ACBD6: variants seen among roughly 807,000 people sequenced by gnomAD.
ACBD6 encodes acyl-CoA binding domain containing 6, also known as acyl-CoA-binding domain-containing protein 6.
A neutral mutation model predicts 37.2 loss-of-function variants in ACBD6; 28 were observed. That is an observed-to-expected ratio of 0.75 (90% confidence interval 0.56 to 1.03). ACBD6 has a LOEUF of 1.03. ACBD6 is among the 50% of genes least tolerant of loss of function. The pLI, the probability that ACBD6 is intolerant of heterozygous loss-of-function variation, is 0.00. For synonymous variants in ACBD6, 113 were observed against 126.8 expected (o/e 0.89, Z 0.73); for missense variants, 340 against 337.4 (o/e 1.01, Z -0.06).
chr1:180,349,319 G>A (rs534562202), intron 6 of ACBD6, among the ~76,000 whole-genome samples: 4 of 150,468 alleles, frequency 2.7e-5, no homozygotes, highest in Admixed American at 2.0e-4. Context: ...GCTCGCGGGC[G>A]ATCTCGGCTC....
At chr1:180,495,806 GACTA>G (rs750853650) in intron 1 of ACBD6, among the ~76,000 whole-genome samples, 4 of 152,198 alleles carry the variant, frequency 2.6e-5, no homozygotes, top group South Asian at 4.1e-4. Flanking sequence ...GAAGTTAGTA[GACTA>G]TATATAAGAC....
At chr1:180,357,213 A>G (rs1369438488) in intron 6 of ACBD6, among the ~76,000 whole-genome samples, 2 of 152,234 alleles carry the variant, frequency 1.3e-5, no homozygotes, top group Non-Finnish European at 2.9e-5. Flanking sequence ...TGAAACTAAC[A>G]TCCTGAAATA....
chr1:180,426,164 T>C (rs1257210394), intron 4 of ACBD6, among the ~76,000 whole-genome samples: 2 of 152,216 alleles, frequency 1.3e-5, no homozygotes, highest in African/African-American at 4.8e-5. Flanking sequence ...ATACTAGGAC[T>C]GGTCTTGCTT....
chr1:180,387,871 G>C (rs539502107), intron 6 of ACBD6, among the ~76,000 whole-genome samples: 1 of 152,002 alleles, frequency 6.6e-6, no homozygotes, highest in Non-Finnish European at 1.5e-5. Context: ...AGCTTATAAA[G>C]AAACAAAAAG....
intron 6 of ACBD6, among the ~76,000 whole-genome samples, chr1:180,348,716 C>T (rs1428753342): frequency 6.6e-6 from 1 of 152,098 alleles, no homozygotes; most frequent in Non-Finnish European, 1.5e-5. Context: ...ATTAAAAATC[C>T]AGTCCAAACA....
intron 3 of ACBD6, among the ~76,000 whole-genome samples, chr1:180,488,600 G>C (rs1218684722): frequency 1.3e-5 from 2 of 151,344 alleles, no homozygotes; most frequent in East Asian, 3.9e-4. Flanking sequence ...TTTGAGATGG[G>C]GTCTCACTCT....
intron 6 of ACBD6, among the ~76,000 whole-genome samples, chr1:180,362,220 A>G (rs1251249548): frequency 2.0e-5 from 3 of 152,256 alleles, no homozygotes; most frequent in Non-Finnish European, 4.4e-5. Context: ...ATAATGAATA[A>G]TTAAGTTATA....
At chr1:180,378,329 A>G (rs1653516352) in intron 6 of ACBD6, among the ~76,000 whole-genome samples, 2 of 152,226 alleles carry the variant, frequency 1.3e-5, no homozygotes. Context: ...ATAAGGAACG[A>G]CTAAGGAACT....
chr1:180,495,348 G>A (rs978674638), intron 2 of ACBD6, 113 bp downstream of exon 2: 4 of 757,428 alleles, frequency 5.3e-6, no homozygotes, highest in Admixed American at 5.7e-5. Flanking sequence ...ACAATCTACA[G>A]CAGAGAGAGA....
chr1:180,324,209 A>G (rs895661859), intron 6 of ACBD6, among the ~76,000 whole-genome samples: 2 of 152,052 alleles, frequency 1.3e-5, no homozygotes, highest in African/African-American at 4.8e-5. Flanking sequence ...GAGAGTTTTT[A>G]GTCCATTTAC....
intron 6 of ACBD6, among the ~76,000 whole-genome samples, chr1:180,356,800 A>C (rs2101898750): frequency 6.6e-6 from 1 of 151,772 alleles, no homozygotes; most frequent in African/African-American, 2.4e-5. Context: ...CAATGAGCTA[A>C]GATTGAGCCA....
At chr1:180,373,545 A>C (rs1653335087) in intron 6 of ACBD6, among the ~76,000 whole-genome samples, 1 of 152,238 alleles carries the variant, frequency 6.6e-6, no homozygotes, top group African/African-American at 2.4e-5. Context: ...AAAGAACAAG[A>C]ATGTGTAAAA....
chr1:180,284,545 T>C (rs1649413757), downstream of ACBD6, among the ~76,000 whole-genome samples: 1 of 151,930 alleles, frequency 6.6e-6, no homozygotes. Context: ...TTGTATTTTC[T>C]GGTAGAGATG....
At chr1:180,284,133 T>C (rs1172414648), downstream of ACBD6, among the ~76,000 whole-genome samples, 1 of 152,198 alleles carries the variant, frequency 6.6e-6, no homozygotes, top group Non-Finnish European at 1.5e-5. Context: ...TGCCAATTAA[T>C]GCATATTTGA....
chr1:180,417,837 T>G (rs1648162189), intron 4 of ACBD6, among the ~76,000 whole-genome samples: 1 of 152,200 alleles, frequency 6.6e-6, no homozygotes, highest in Non-Finnish European at 1.5e-5. Context: ...CTTCCAAAAT[T>G]CAGTCATACT....
intron 3 of ACBD6, among the ~76,000 whole-genome samples, chr1:180,446,642 A>G (rs1649487872): frequency 6.6e-6 from 1 of 152,168 alleles, no homozygotes; most frequent in African/African-American, 2.4e-5. Context: ...TATTTATAAA[A>G]TTTTTCAAGA....
intron 6 of ACBD6, among the ~76,000 whole-genome samples, chr1:180,319,225 C>T (rs1042498162): frequency 6.6e-6 from 1 of 152,206 alleles, no homozygotes; most frequent in Non-Finnish European, 1.5e-5. Context: ...TTCTTGTAGG[C>T]AAGTACTACG....
chr1:180,274,372 C>T (rs754307118), intron 10 of ACBD6: 1 of 1,614,090 alleles, frequency 6.2e-7, no homozygotes, highest in African/African-American at 1.3e-5. Context: ...CCCTGCCATC[C>T]CACGCTCCTT....
rs114896138 is a variant in ACBD6, at chr1:180,291,502, A to G, written c.695-2985T>C. 4.7e-3 allele frequency among the ~76,000 whole-genome samples: 717 copies of G among 152,274 alleles called. 6 individuals are homozygous for G. Among genetic ancestry groups the G allele is most frequent in the African/African-American group, 0.016 (675 of 41,564 alleles). On this transcript the variant is annotated intron_variant, in intron 7 of 7. Transcript: ENST00000367595. ...TTTCTCATGTGCTTATCTGCCAACT[A>G]TCTATCTTTGGTGATTTATCTGTTC...
Sources: allele counts gnomAD v4.1 joint callset (sites outside exome capture counted in the v4.1 genomes callset), GRCh38; gene constraint gnomAD v4.1.1; transcripts MANE v1.5; gene names NCBI Gene and HGNC (gene_info 2026-07-23, HGNC 2026-07-21).